SLC30A9: variants seen among roughly 807,000 people sequenced by gnomAD.
SLC30A9 encodes proton-coupled zinc antiporter SLC30A9, mitochondrial.
Under a neutral mutation model 87.5 loss-of-function variants are expected in SLC30A9, and 58 were observed. The ratio of observed to expected loss-of-function variants is 0.66; its 90% CI spans 0.54 to 0.82. The LOEUF (loss-of-function observed/expected upper bound fraction) is 0.82, where lower values mean the gene tolerates loss of function less well. Among genes scored for constraint, SLC30A9 ranks in the 40% least tolerant of loss-of-function variants. The probability of loss-of-function intolerance (pLI) is 0.00; values close to 1 mark genes in which losing one functional copy is unlikely to be tolerated. For synonymous variants in SLC30A9, 234 were observed against 233.0 expected (o/e 1.00, Z -0.04); for missense variants, 557 against 679.1 (o/e 0.82, Z 2.00).
At chr4:42,055,252 C>T (rs1363835013) in intron 9 of SLC30A9, among the ~76,000 whole-genome samples, 1 of 151,656 alleles carries the variant, frequency 6.6e-6, no homozygotes, top group African/African-American at 2.4e-5. Flanking sequence ...TCTTTCGAGA[C>T]CTATAATATT....
At chr4:42,065,805 T>TACTTGCCG (rs1464720775) in intron 12 of SLC30A9, among the ~76,000 whole-genome samples, 13 of 152,364 alleles carry the variant, frequency 8.5e-5, no homozygotes, top group Middle Eastern at 3.4e-3. Flanking sequence ...CTATCGCTGT[T>TACTTGCCG]ACTTGCCGAT....
chr4:42,021,494 A>C (rs369609819), intron 4 of SLC30A9, among the ~76,000 whole-genome samples: 29 of 152,348 alleles, frequency 1.9e-4, no homozygotes, highest in African/African-American at 6.0e-4. Context: ...CAAAATTTCC[A>C]TAGGAAGATC....
rs114904131 is a variant in SLC30A9, at chr4:42,088,441, A to G, written c.*2315A>G. On this transcript the variant is annotated 3_prime_UTR_variant, in exon 18 of 18. Transcript: ENST00000264451. ...TGTGTTAGTCCATTCTCACACTGCT[A>G]TAAAGAAATACCTGAGACTGAGTAA... is the stretch of plus-strand genomic sequence containing the variant. The G allele has an allele frequency of 0.042, 6,444 of 152,362 alleles. 180 individuals are homozygous for G. Among genetic ancestry groups the G allele is most frequent in the African/African-American group, 0.058 (2,397 of 41,530 alleles). The allele number at this position is 152,362 out of a possible 1,614,324, so 9.4% of individuals were successfully genotyped here. A position where few individuals can be genotyped will look rare whatever the true frequency, so the allele number is the denominator to read the frequency against.
chr4:42,063,576 A>G (rs745644080), intron 11 of SLC30A9, among the ~76,000 whole-genome samples: 4 of 152,192 alleles, frequency 2.6e-5, no homozygotes, highest in Non-Finnish European at 5.9e-5. Flanking sequence ...CACTGGGGGA[A>G]TGGGAGGATA....
At chr4:42,034,386 A>C (rs994443189) in intron 6 of SLC30A9, among the ~76,000 whole-genome samples, 6 of 152,140 alleles carry the variant, frequency 3.9e-5, no homozygotes, top group Non-Finnish European at 8.8e-5. Flanking sequence ...TTCATATTGC[A>C]AAACTGAAAC....
rs943934357 is a variant in SLC30A9, at chr4:42,008,177, C to T, written c.274+6397C>T. The stretch of plus-strand genomic sequence containing the variant: ...TGTTATAGGGCCTTTGCTCTAGTTG[C>T]GTTCTCTTTCCAAGGTGCCCTTCTC... On this transcript the variant is annotated intron_variant, in intron 2 of 17. Coordinates refer to ENST00000264451, the MANE Select transcript of SLC30A9 (RefSeq NM_006345.4). 5.3e-5 allele frequency among the ~76,000 whole-genome samples: 8 copies of T among 152,148 alleles called. No homozygotes were observed. In the East Asian group the frequency reaches 5.8e-4, roughly 11 times the overall value.
chr4:42,029,997 C>A, intron 6 of SLC30A9: 1 of 896,854 alleles, frequency 1.1e-6, no homozygotes, highest in Non-Finnish European at 1.8e-6. Flanking sequence ...GCTTGTTGTA[C>A]AGTTCACCAA....
intron 6 of SLC30A9, among the ~76,000 whole-genome samples, chr4:42,030,563 GA>G (rs1157876427): frequency 1.3e-5 from 2 of 150,098 alleles, no homozygotes; most frequent in African/African-American, 4.9e-5. Context: ...TATTCAATGG[GA>G]ATGAAACTGG....
At chr4:41,994,589 A>T (rs932455825) in intron 1 of SLC30A9, among the ~76,000 whole-genome samples, 8 of 151,962 alleles carry the variant, frequency 5.3e-5, no homozygotes, top group African/African-American at 1.9e-4. Flanking sequence ...ATTTATTGTC[A>T]TAAGAAAAGT....
intron 10 of SLC30A9, among the ~76,000 whole-genome samples, chr4:42,061,729 C>T (rs958893614): frequency 6.6e-6 from 1 of 151,464 alleles, no homozygotes; most frequent in Non-Finnish European, 1.5e-5. Context: ...GAAACCCCAT[C>T]TCTACTGACA....
At chr4:42,082,876 T>C (rs959933160) in intron 17 of SLC30A9, among the ~76,000 whole-genome samples, 1 of 152,044 alleles carries the variant, frequency 6.6e-6, no homozygotes, top group African/African-American at 2.4e-5. Context: ...TCTAGAACTT[T>C]TGTATAGTTA....
intron 8 of SLC30A9, among the ~76,000 whole-genome samples, chr4:42,045,382 T>C (rs898072077): frequency 6.6e-6 from 1 of 152,010 alleles, no homozygotes; most frequent in African/African-American, 2.4e-5. Context: ...AAAGGGGATG[T>C]CACCACTGAT....
chr4:42,055,543 C>T (rs962759393), intron 9 of SLC30A9, among the ~76,000 whole-genome samples: 14 of 152,182 alleles, frequency 9.2e-5, no homozygotes, highest in Non-Finnish European at 2.1e-4. Context: ...CCCGCCACCA[C>T]GCCCGGCTAG....
At position 42,050,706 on chromosome 4, in the gene SLC30A9, C is replaced by G. The variant is rs372022546; in HGVS notation, c.840+1227C>G. On this transcript the variant is annotated intron_variant, in intron 9 of 17. Coordinates refer to ENST00000264451, the MANE Select transcript of SLC30A9 (RefSeq NM_006345.4). ...ACAGGGATTGAGTTTAATCTTTTGC[C>G]ATAGACAACTAAAAGCTAGACAGTA... Among the ~76,000 whole-genome samples, 7 of 152,134 alleles carry G rather than the reference C, an allele frequency of 4.6e-5. No individual in the cohort carries two copies. In the East Asian group the frequency reaches 1.3e-3, roughly 29 times the overall value.
intron 1 of SLC30A9, among the ~76,000 whole-genome samples, chr4:41,994,396 G>A (rs1360349592): frequency 6.6e-6 from 1 of 151,348 alleles, no homozygotes; most frequent in African/African-American, 2.4e-5. Flanking sequence ...AAAGTTCTTT[G>A]GGTTAGGATA....
chr4:42,007,825 C>G (rs1485585014), intron 2 of SLC30A9, among the ~76,000 whole-genome samples: 2 of 151,086 alleles, frequency 1.3e-5, no homozygotes, highest in Non-Finnish European at 3.0e-5. Context: ...TATCTCTTGT[C>G]TGATTTACTG....
At chr4:42,044,479 A>G (rs766213653) in intron 8 of SLC30A9, among the ~76,000 whole-genome samples, 1 of 152,088 alleles carries the variant, frequency 6.6e-6, no homozygotes, top group Non-Finnish European at 1.5e-5. Context: ...AGGTCATTAC[A>G]TAGTGGTAAA....
rs548409729 is a variant in SLC30A9, at chr4:42,028,101, C to T, written c.610+4717C>T. Among the ~76,000 whole-genome samples, 24 of 152,242 alleles carry T rather than the reference C, an allele frequency of 1.6e-4. 1 individual carries two copies. Among genetic ancestry groups the T allele is most frequent in the African/African-American group, 5.1e-4 (21 of 41,548 alleles). Reference sequence around the variant, plus strand: ...TTGTGAATAGTGTATGTGGAGCAACCACAGGCAAGAATTTATTTTATTTTA... The same window carrying T: ...TTGTGAATAGTGTATGTGGAGCAACTACAGGCAAGAATTTATTTTATTTTA... On this transcript the variant is annotated intron_variant, in intron 6 of 17. Coordinates refer to ENST00000264451, the MANE Select transcript of SLC30A9 (RefSeq NM_006345.4).
At chr4:42,071,610 A>G (rs903794369) in intron 15 of SLC30A9, among the ~76,000 whole-genome samples, 3 of 151,828 alleles carry the variant, frequency 2.0e-5, no homozygotes, top group African/African-American at 4.8e-5. Context: ...CTAGTGTGCA[A>G]TGATCATGTC....
Sources: allele counts gnomAD v4.1 joint callset (sites outside exome capture counted in the v4.1 genomes callset), GRCh38; gene constraint gnomAD v4.1.1; transcripts MANE v1.5; gene names NCBI Gene and HGNC (gene_info 2026-07-23, HGNC 2026-07-21).